KRT8: variants seen among roughly 807,000 people sequenced by gnomAD.
The protein encoded by KRT8 is keratin 8, also known as keratin, type II cytoskeletal 8.
KRT8 carries 24 observed loss-of-function variants against 43.0 expected under a neutral mutation model. That is an observed-to-expected ratio of 0.56 (90% CI 0.40 to 0.78). The LOEUF (loss-of-function observed/expected upper bound fraction) is 0.78, where lower values mean the gene tolerates loss of function less well. Among genes scored for constraint, KRT8 ranks in the 30% least tolerant of loss-of-function variants. The pLI is 0.00. For missense variants in KRT8, 492 were observed against 638.4 expected (o/e 0.77, Z 2.47); for synonymous variants, 214 against 261.2 (o/e 0.82, Z 1.74).
At chr12:52,941,834 G>A (rs1325978998) in intron 2 of KRT8, among the ~76,000 whole-genome samples, 9 of 151,936 alleles carry the variant, frequency 5.9e-5, no homozygotes, top group Admixed American at 4.6e-4. Context: ...TTTGACCTCC[G>A]TGAAGTTCTC....
chr12:52,941,580 C>A (rs1942270457), intron 2 of KRT8, among the ~76,000 whole-genome samples: 1 of 148,630 alleles, frequency 6.7e-6, no homozygotes, highest in Admixed American at 6.9e-5. Flanking sequence ...CCTCCACCTC[C>A]TGGATTCAAG....
rs775457228 is a variant in KRT8, at chr12:52,901,156, C to A, written c.594+3G>T. On this transcript the variant is annotated splice_donor_region_variant and intron_variant, in intron 3 of 7. Coordinates refer to ENST00000692008, the Ensembl canonical transcript of KRT8. The stretch of plus-strand genomic sequence containing the variant: ...CCAGATAGGAGAAGGGAGACTCCCT[C>A]ACCTTCTTGATGAGGACAAATTCGT... The A allele has an allele frequency of 6.3e-7, 1 of 1,597,686 alleles. No homozygotes were observed. The highest frequency in any genetic ancestry group is 1.7e-5 in the Admixed American group (1 of 60,000).
chr12:52,925,995 T>A (rs1941982202), intron 2 of KRT8, among the ~76,000 whole-genome samples: 1 of 152,012 alleles, frequency 6.6e-6, no homozygotes, highest in Non-Finnish European at 1.5e-5. Context: ...CACCTCCCTT[T>A]CAAGCTCCCT....
At chr12:52,943,534 T>A (rs1273730035) in intron 2 of KRT8, among the ~76,000 whole-genome samples, 1 of 152,196 alleles carries the variant, frequency 6.6e-6, no homozygotes, top group African/African-American at 2.4e-5. Flanking sequence ...CTCCTTCTTT[T>A]CCCTGATCCT....
chr12:52,920,012 A>G (rs1190804471), intron 2 of KRT8, among the ~76,000 whole-genome samples: 1 of 152,230 alleles, frequency 6.6e-6, no homozygotes, highest in Non-Finnish European at 1.5e-5. Context: ...CAAGGAAACT[A>G]AAGCCCAAGG....
chr12:52,902,758 T>TC (rs1941405456), intron 1 of KRT8, among the ~76,000 whole-genome samples: 1 of 151,440 alleles, frequency 6.6e-6, no homozygotes, highest in Non-Finnish European at 1.5e-5. Context: ...ACGCTTGTAA[T>TC]CCCAGCACTT....
At chr12:52,905,516 C>G (rs1941494632), upstream of KRT8, among the ~76,000 whole-genome samples, 1 of 152,108 alleles carries the variant, frequency 6.6e-6, no homozygotes, top group African/African-American at 2.4e-5. Flanking sequence ...TGTGTTCTCC[C>G]TGATTGAAGC....
chr12:52,918,180 G>GAAGAAGAAGAAGAA lies in KRT8; in HGVS notation c.-46-13154_-46-13153insTTCTTCTTCTTCTT. Among the ~76,000 whole-genome samples the GAAGAAGAAGAAGAA allele has an allele frequency of 1.4e-3, 100 of 73,808 alleles. 9 individuals are homozygous for GAAGAAGAAGAAGAA. Among genetic ancestry groups the GAAGAAGAAGAAGAA allele is most frequent in the Admixed American group, 1.9e-3 (12 of 6,388 alleles). 48.4% of individuals were successfully genotyped at this position (73,808 alleles called of 152,430 possible). Reference sequence around the variant, plus strand: ...GGGAAGAAGAAGAAGAAGAGGAAGAGGAAGAAGAAGAAGAAGAAGAAGAAC... The same window carrying GAAGAAGAAGAAGAA: ...GGGAAGAAGAAGAAGAAGAGGAAGAGAAGAAGAAGAAGAAGAAGAAGAAGAAGAAGAAGAAGAAC... On this transcript the variant is annotated intron_variant, in intron 2 of 6. Coordinates refer to the KRT8 transcript ENST00000546826.
intron 2 of KRT8, chr12:52,948,850 ACGT>A (rs1942399424): frequency 2.4e-6 from 1 of 417,264 alleles, no homozygotes; most frequent in Admixed American, 4.4e-5. Context: ...GAGCATAATA[ACGT>A]CATTTCCTGC....
intron 2 of KRT8, among the ~76,000 whole-genome samples, chr12:52,916,939 C>A (rs1281793889): frequency 6.6e-6 from 1 of 152,078 alleles, no homozygotes; most frequent in East Asian, 1.9e-4. Flanking sequence ...AGAAGAGGTT[C>A]CCAATGTGTA....
At chr12:52,903,174 C>A (rs1941417631) in intron 1 of KRT8, among the ~76,000 whole-genome samples, 1 of 152,162 alleles carries the variant, frequency 6.6e-6, no homozygotes, top group African/African-American at 2.4e-5. Flanking sequence ...ACATCTTATC[C>A]TAATGGAATG....
intron 2 of KRT8, among the ~76,000 whole-genome samples, chr12:52,929,040 C>T (rs566358257): frequency 2.0e-5 from 3 of 152,302 alleles, no homozygotes; most frequent in African/African-American, 7.2e-5. Flanking sequence ...CCTCCTCCTA[C>T]ATCCCCAACC....
chr12:52,926,379 C>T (rs1941992671), intron 2 of KRT8: 12 of 1,469,062 alleles, frequency 8.2e-6, no homozygotes, highest in Non-Finnish European at 1.1e-5. Flanking sequence ...TCCTGAAGCA[C>T]CTCCTTGTCA....
upstream of KRT8, among the ~76,000 whole-genome samples, chr12:52,905,960 A>G (rs979353060): frequency 2.0e-5 from 3 of 152,174 alleles, no homozygotes; most frequent in Admixed American, 6.5e-5. Flanking sequence ...GCCATGGTGT[A>G]ATCCCAGCTA....
exon 1 of KRT8, chr12:52,905,003 A>C (rs2120585074): frequency 6.3e-7 from 1 of 1,596,492 alleles, no homozygotes; most frequent in Non-Finnish European, 8.5e-7. Context: ...GAGTGGAGGC[A>C]GGCGGGCCGA....
intron 1 of KRT8, among the ~76,000 whole-genome samples, chr12:52,902,799 G>A (rs2120569727): frequency 6.6e-6 from 1 of 152,208 alleles, no homozygotes; most frequent in African/African-American, 2.4e-5. Flanking sequence ...ATTTCTTGAA[G>A]TCAGGAGTTC....
intron 2 of KRT8, among the ~76,000 whole-genome samples, chr12:52,933,503 A>G (rs187971348): frequency 6.6e-6 from 1 of 152,342 alleles, no homozygotes; most frequent in African/African-American, 2.4e-5. Flanking sequence ...ATTGATCTGC[A>G]AGTTTAATGC....
In KRT8 at chr12:52,913,187, C is replaced by T. The variant is rs1369747989; in HGVS notation, c.-46-8160G>A. Among the ~76,000 whole-genome samples the T allele has an allele frequency of 2.0e-5, 3 of 152,198 alleles. No individual in the cohort carries two copies. In the East Asian group the frequency reaches 5.8e-4, roughly 29 times the overall value. On this transcript the variant is annotated intron_variant, in intron 2 of 6. Transcript: ENST00000546826. ...AGCAGAGTCAGGTGGCAGGGCTCCT[C>T]AAAAGTGAGCCGCCCCAAGGCCAGC...
chr12:52,912,934 G>C (rs758763504), intron 2 of KRT8, among the ~76,000 whole-genome samples: 3 of 152,244 alleles, frequency 2.0e-5, no homozygotes, highest in African/African-American at 4.8e-5. Context: ...AGGTACCCTG[G>C]CTGGGAAGCG....
Sources: allele counts gnomAD v4.1 joint callset (sites outside exome capture counted in the v4.1 genomes callset), GRCh38; gene constraint gnomAD v4.1.1; transcripts MANE v1.5; gene names NCBI Gene and HGNC (gene_info 2026-07-23, HGNC 2026-07-21).